Variants in RNF150 observed in about 807,000 individuals in gnomAD.
RNF150 encodes the protein ring finger protein 150.
A neutral mutation model predicts 39.3 loss-of-function variants in RNF150; 24 were observed. The observed-to-expected ratio is 0.61, with a 90% CI of 0.44 to 0.86. The LOEUF (loss-of-function observed/expected upper bound fraction) is 0.86, where lower values mean the gene tolerates loss of function less well. RNF150 is among the 40% of genes least tolerant of loss of function. The pLI is 0.00. For missense variants in RNF150, 502 were observed against 587.8 expected (o/e 0.85, Z 1.51); for synonymous variants, 255 against 227.3 (o/e 1.12, Z -1.10).
intron 1 of RNF150, among the ~76,000 whole-genome samples, chr4:141,009,899 T>C (rs1305202273): frequency 2.0e-5 from 3 of 152,174 alleles, no homozygotes; most frequent in Admixed American, 2.0e-4. Context: ...TGCCTGTTCC[T>C]CTAGAGCCCA....
chr4:141,152,217 A>G (rs1252165099), intron 1 of RNF150, among the ~76,000 whole-genome samples: 2 of 152,234 alleles, frequency 1.3e-5, no homozygotes, highest in East Asian at 3.8e-4. Context: ...AGATATTGCC[A>G]CAAAGCAATT....
In RNF150 at chr4:141,027,941, T is replaced by G. The variant is rs868119027; in HGVS notation, c.485-60068A>C. Among the ~76,000 whole-genome samples the G allele has an allele frequency of 3.2e-3, 425 of 134,374 alleles. 8 individuals are homozygous for G. Among genetic ancestry groups the G allele is most frequent in the African/African-American group, 0.011 (403 of 36,280 alleles). 88.2% of individuals were successfully genotyped at this position (134,374 alleles called of 152,430 possible). ...TTTTTTTTTTGTTTTTTTTTTTTTT[T>G]TTTTTTTTTTTCAATCCTGCTGGAT... On this transcript the variant is annotated intron_variant, in intron 1 of 6. Coordinates refer to ENST00000515673, the MANE Select transcript of RNF150 (RefSeq NM_020724.2).
At chr4:141,193,105 A>G (rs1434008066) in intron 1 of RNF150, among the ~76,000 whole-genome samples, 1 of 152,224 alleles carries the variant, frequency 6.6e-6, no homozygotes, top group East Asian at 1.9e-4. Flanking sequence ...CTAATATAAT[A>G]CATGTTTCAT....
chr4:141,125,608 T>C (rs1395634948), intron 1 of RNF150, among the ~76,000 whole-genome samples: 1 of 152,158 alleles, frequency 6.6e-6, no homozygotes, highest in South Asian at 2.1e-4. Flanking sequence ...AATGCAACAA[T>C]AATGGTTAAG....
chr4:141,041,089 T>A (rs371305120), intron 1 of RNF150, among the ~76,000 whole-genome samples: 14 of 151,636 alleles, frequency 9.2e-5, no homozygotes, highest in African/African-American at 3.4e-4. Flanking sequence ...AACATTCATT[T>A]AAAAAAAAAT....
At chr4:141,009,251 C>CATCTAAACA (rs1292313310) in intron 1 of RNF150, among the ~76,000 whole-genome samples, 1 of 152,188 alleles carries the variant, frequency 6.6e-6, no homozygotes, top group Non-Finnish European at 1.5e-5. Context: ...TCACTCTAAT[C>CATCTAAACA]TACCATGTTA....
intron 4 of RNF150, among the ~76,000 whole-genome samples, chr4:140,936,454 G>A (rs1389345910): frequency 6.6e-6 from 1 of 151,916 alleles, no homozygotes; most frequent in African/African-American, 2.4e-5. Flanking sequence ...TGGAAAAATG[G>A]GTTTAAAAAA....
At chr4:141,015,445 T>C (rs79973832) in intron 1 of RNF150, among the ~76,000 whole-genome samples, 13,475 of 152,296 alleles carry the variant, frequency 0.088, 975 homozygotes, top group East Asian at 0.31. Context: ...CAGTGTTTTA[T>C]AGCTTTCAGA....
chr4:140,961,274 C>T (rs1402311755), intron 2 of RNF150, among the ~76,000 whole-genome samples: 3 of 152,076 alleles, frequency 2.0e-5, no homozygotes, highest in African/African-American at 7.2e-5. Flanking sequence ...ATGATCTTCT[C>T]CAGGTACATG....
intron 2 of RNF150, among the ~76,000 whole-genome samples, chr4:140,957,775 T>A (rs1441434877): frequency 6.6e-6 from 1 of 151,924 alleles, no homozygotes. Context: ...TTGGAAATCA[T>A]CATTCTCAGT....
chr4:140,964,884 G>C (rs541628045), intron 2 of RNF150, among the ~76,000 whole-genome samples: 1 of 151,990 alleles, frequency 6.6e-6, no homozygotes, highest in East Asian at 1.9e-4. Flanking sequence ...ATGGTTTAGA[G>C]AGCACAGAAA....
intron 1 of RNF150, among the ~76,000 whole-genome samples, chr4:141,142,814 T>C (rs974040761): frequency 1.3e-5 from 2 of 152,152 alleles, no homozygotes; most frequent in Non-Finnish European, 2.9e-5. Context: ...TGTGGTCTCT[T>C]ATCTTCATTT....
At chr4:141,096,005 A>G (rs558091985) in intron 1 of RNF150, among the ~76,000 whole-genome samples, 3 of 152,254 alleles carry the variant, frequency 2.0e-5, no homozygotes, top group Admixed American at 6.5e-5. Flanking sequence ...ATGTATACAT[A>G]TAACAGTTAA....
chr4:141,170,704 A>G (rs1029945469), intron 1 of RNF150, among the ~76,000 whole-genome samples: 13 of 152,192 alleles, frequency 8.5e-5, no homozygotes, highest in Non-Finnish European at 1.5e-4. Flanking sequence ...AACGGCCAAT[A>G]AACAATCTCA....
At chr4:141,117,808 CTCG>C (rs2111078320) in intron 1 of RNF150, among the ~76,000 whole-genome samples, 1 of 152,320 alleles carries the variant, frequency 6.6e-6, no homozygotes, top group South Asian at 2.1e-4. Context: ...AATGGCAATT[CTCG>C]TCCTTCTATT....
intron 1 of RNF150, among the ~76,000 whole-genome samples, chr4:141,207,130 A>G (rs1485730266): frequency 1.3e-5 from 2 of 152,136 alleles, no homozygotes; most frequent in Non-Finnish European, 1.5e-5. Context: ...TCAAATGTCA[A>G]TCTCTTCTGA....
chr4:140,916,313 T>G (rs1730826043), intron 5 of RNF150, among the ~76,000 whole-genome samples: 1 of 152,140 alleles, frequency 6.6e-6, no homozygotes, highest in Non-Finnish European at 1.5e-5. Flanking sequence ...TTTAGATGAA[T>G]GGATAACTAG....
At chr4:141,186,752 T>A (rs986504995) in intron 1 of RNF150, among the ~76,000 whole-genome samples, 4 of 152,132 alleles carry the variant, frequency 2.6e-5, no homozygotes, top group African/African-American at 9.7e-5. Flanking sequence ...CTCTCTTCTT[T>A]TTAGTCTGGC....
chr4:141,121,163 T>G (rs901244016), intron 1 of RNF150, among the ~76,000 whole-genome samples: 1 of 152,182 alleles, frequency 6.6e-6, no homozygotes, highest in Non-Finnish European at 1.5e-5. Flanking sequence ...AGGCTCACTT[T>G]ACAGATGAGG....
Sources: allele counts gnomAD v4.1 joint callset (sites outside exome capture counted in the v4.1 genomes callset), GRCh38; gene constraint gnomAD v4.1.1; transcripts MANE v1.5; gene names NCBI Gene and HGNC (gene_info 2026-07-23, HGNC 2026-07-21).